Variants in ARHGAP24 observed in about 807,000 individuals in gnomAD.
ARHGAP24 encodes rho GTPase-activating protein 24.
ARHGAP24 carries 50 observed loss-of-function variants against 76.4 expected under a neutral mutation model. The observed-to-expected ratio is 0.65, with a 90% CI of 0.52 to 0.83. The LOEUF (loss-of-function observed/expected upper bound fraction) is 0.83, where lower values mean the gene tolerates loss of function less well. Among genes scored for constraint, ARHGAP24 ranks in the 40% least tolerant of loss-of-function variants. The pLI, the probability that ARHGAP24 is intolerant of heterozygous loss-of-function variation, is 0.00. For synonymous variants in ARHGAP24, 345 were observed against 323.3 expected (o/e 1.07, Z -0.72); for missense variants, 930 against 914.2 (o/e 1.02, Z -0.22).
At chr4:85,674,223 G>GTGA (rs1722900800) in intron 2 of ARHGAP24, among the ~76,000 whole-genome samples, 1 of 152,138 alleles carries the variant, frequency 6.6e-6, no homozygotes, top group Non-Finnish European at 1.5e-5. Context: ...TGCAGGACCA[G>GTGA]TGATCACACT....
chr4:85,879,653 T>C (rs17011108), intron 3 of ARHGAP24, among the ~76,000 whole-genome samples: 41,156 of 151,670 alleles, frequency 0.27, 5,987 homozygotes, highest in East Asian at 0.41. Context: ...AGGATACCTT[T>C]TAAACCCCCA....
chr4:85,929,921 G>C (rs967391097), intron 4 of ARHGAP24, among the ~76,000 whole-genome samples: 7 of 152,180 alleles, frequency 4.6e-5, no homozygotes, highest in African/African-American at 1.7e-4. Context: ...TTCTGGAGGG[G>C]CTGAGCCAGC....
intron 2 of ARHGAP24, among the ~76,000 whole-genome samples, chr4:85,689,409 C>T (rs1348971405): frequency 6.6e-6 from 1 of 151,880 alleles, no homozygotes; most frequent in African/African-American, 2.4e-5. Flanking sequence ...TTTTTTGAAA[C>T]AGAGTCTTGC....
intron 3 of ARHGAP24, among the ~76,000 whole-genome samples, chr4:85,868,867 T>C (rs958121857): frequency 6.6e-6 from 1 of 152,138 alleles, no homozygotes; most frequent in African/African-American, 2.4e-5. Context: ...TACCTACTCA[T>C]TTCTAGTCAT....
intron 3 of ARHGAP24, among the ~76,000 whole-genome samples, chr4:85,743,355 TC>T (rs1449248939): frequency 7.8e-6 from 1 of 127,434 alleles, no homozygotes; most frequent in Non-Finnish European, 1.5e-5. Flanking sequence ...ACTCCTGTAA[TC>T]CCAGCACTTT....
intron 1 of ARHGAP24, among the ~76,000 whole-genome samples, chr4:85,503,350 A>C (rs1723904721): frequency 6.6e-6 from 1 of 151,958 alleles, no homozygotes; most frequent in South Asian, 2.1e-4. Flanking sequence ...CTGGTCCTGG[A>C]CTTTTTTGGT....
intron 2 of ARHGAP24, among the ~76,000 whole-genome samples, chr4:85,702,085 G>A (rs1250628982): frequency 2.0e-5 from 3 of 152,072 alleles, no homozygotes; most frequent in Non-Finnish European, 2.9e-5. Context: ...GCCTATGAAT[G>A]TGTGTCTCTC....
chr4:85,582,018 A>G (rs1727635865), intron 2 of ARHGAP24, among the ~76,000 whole-genome samples: 1 of 152,114 alleles, frequency 6.6e-6, no homozygotes, highest in Non-Finnish European at 1.5e-5. Flanking sequence ...GTGTAGCCCC[A>G]CAAAAGTTCC....
In ARHGAP24 at chr4:85,995,387, G is replaced by T. The variant is rs1330897736; in HGVS notation, c.1733G>T (p.Cys578Phe). 1.9e-6 allele frequency: 3 copies of T among 1,613,610 alleles called. No individual in the cohort carries two copies. Among genetic ancestry groups the T allele is most frequent in the Admixed American group, 3.3e-5 (2 of 59,960 alleles). The change falls in exon 9 of 10, where the codon TGC becomes TTC. Residue 578 changes from cysteine to phenylalanine, a missense_variant. Cys to Phe is a radical substitution (Grantham distance 205). Coordinates refer to ENST00000395184, the MANE Select transcript of ARHGAP24 (RefSeq NM_001025616.3). The stretch of plus-strand genomic sequence containing the variant: ...TCCTGTCGCTCTTCTACCACCACCT[G>T]CCCAGAGCAAGACTTTTTTGGGGGG... The part of the protein sequence containing the change: ...SNSCRSSTTT[C>F]PEQDFFGGNF...
chr4:85,612,485 A>T (rs1385986924), intron 2 of ARHGAP24, among the ~76,000 whole-genome samples: 2 of 145,070 alleles, frequency 1.4e-5, no homozygotes, highest in Non-Finnish European at 1.5e-5. Flanking sequence ...TCCAAGTAGC[A>T]AAATGCGTAA....
At chr4:85,870,658 G>A (rs903241901) in intron 3 of ARHGAP24, among the ~76,000 whole-genome samples, 1 of 152,060 alleles carries the variant, frequency 6.6e-6, no homozygotes, top group African/African-American at 2.4e-5. Flanking sequence ...TTTATGTGGG[G>A]ATAGTTATCT....
chr4:85,645,013 G>C (rs1305807061), intron 2 of ARHGAP24, among the ~76,000 whole-genome samples: 1 of 151,980 alleles, frequency 6.6e-6, no homozygotes, highest in African/African-American at 2.4e-5. Context: ...TTAAAAAATT[G>C]ACTATTAGAA....
intron 3 of ARHGAP24, among the ~76,000 whole-genome samples, chr4:85,900,717 C>T (rs936195255): frequency 2.6e-5 from 4 of 152,138 alleles, no homozygotes; most frequent in African/African-American, 9.7e-5. Flanking sequence ...TGAGCCACTG[C>T]GCCCGGCTGG....
chr4:85,486,571 A>G (rs1419896076), intron 1 of ARHGAP24, among the ~76,000 whole-genome samples: 2 of 152,220 alleles, frequency 1.3e-5, no homozygotes, highest in Admixed American at 6.5e-5. Context: ...TTTATGATGC[A>G]TGAGAGAGAA....
intron 3 of ARHGAP24, among the ~76,000 whole-genome samples, chr4:85,741,636 T>G (rs1000706200): frequency 6.6e-6 from 1 of 152,206 alleles, no homozygotes; most frequent in South Asian, 2.1e-4. Flanking sequence ...TACCTGGATG[T>G]GGGCCATTTT....
intron 3 of ARHGAP24, among the ~76,000 whole-genome samples, chr4:85,889,262 G>T (rs1009097157): frequency 2.0e-5 from 3 of 152,208 alleles, no homozygotes; most frequent in Admixed American, 1.3e-4. Flanking sequence ...CATTCCTGCT[G>T]AGAAAATGTT....
intron 3 of ARHGAP24, among the ~76,000 whole-genome samples, chr4:85,912,855 T>C (rs978053172): frequency 4.7e-5 from 7 of 148,692 alleles, no homozygotes; most frequent in South Asian, 2.1e-4. Context: ...TCAATGCTAT[T>C]TTTTTTTCTT....
intron 2 of ARHGAP24, among the ~76,000 whole-genome samples, chr4:85,666,881 C>A (rs562256110): frequency 6.6e-6 from 1 of 152,238 alleles, no homozygotes; most frequent in Non-Finnish European, 1.5e-5. Context: ...AGTACCCAGC[C>A]GTGTGAGATG....
intron 1 of ARHGAP24, among the ~76,000 whole-genome samples, chr4:85,475,776 T>C (rs991033671): frequency 2.0e-5 from 3 of 150,608 alleles, no homozygotes; most frequent in Non-Finnish European, 3.0e-5. Context: ...AGCCTGTCTG[T>C]GTTTGTGTGT....
Sources: gnomAD v4.1 joint callset for allele counts (sites outside exome capture counted in the v4.1 genomes callset) on GRCh38, gnomAD v4.1.1 for gene constraint, MANE v1.5 for transcripts, NCBI Gene and HGNC (gene_info 2026-07-23, HGNC 2026-07-21) for gene names.